The following RANBP2 variants were observed in gnomAD, a reference collection of about 807,000 sequenced individuals.
RANBP2 encodes the protein E3 SUMO-protein ligase RanBP2.
Under a neutral mutation model 303.6 loss-of-function variants are expected in RANBP2, and 57 were observed. The ratio of observed to expected loss-of-function variants is 0.19; its 90% CI spans 0.15 to 0.23. The LOEUF (loss-of-function observed/expected upper bound fraction) is 0.23, where lower values mean the gene tolerates loss of function less well. RANBP2 is among the 10% of genes least tolerant of loss of function. The pLI, the probability that RANBP2 is intolerant of heterozygous loss-of-function variation, is 1.00. For missense variants in RANBP2, 3,138 were observed against 3,780.8 expected (o/e 0.83, Z 4.46); for synonymous variants, 1,167 against 1,301.5 (o/e 0.90, Z 2.23).
At chr2:109,636,773 A>G in the RANBP2 span, among the ~76,000 whole-genome samples, 2 of 152,144 alleles carry the variant, frequency 1.3e-5, no homozygotes, top group Admixed American at 6.6e-5. Context: ...CCCCGTCACT[A>G]CCAAAAATAT....
At chr2:108,829,188 T>G in the RANBP2 span, among the ~76,000 whole-genome samples, 1 of 152,112 alleles carries the variant, frequency 6.6e-6, no homozygotes, top group African/African-American at 2.4e-5. Context: ...CAGATTGAAA[T>G]GGTAATCTCC....
the RANBP2 span, among the ~76,000 whole-genome samples, chr2:109,701,398 G>A: frequency 6.6e-6 from 1 of 152,092 alleles, no homozygotes; most frequent in Non-Finnish European, 1.5e-5. Flanking sequence ...GCTTTTATAC[G>A]TTTTAGAGAT....
the RANBP2 span, among the ~76,000 whole-genome samples, chr2:109,270,736 C>T: frequency 3.6e-3 from 544 of 152,316 alleles, 5 homozygotes; most frequent in African/African-American, 0.012. Flanking sequence ...GACTGTTACT[C>T]CTCTTATGTA....
chr2:108,895,004 A>T, the RANBP2 span: 1 of 150,414 alleles, frequency 6.6e-6, no homozygotes, highest in Non-Finnish European at 1.5e-5. Flanking sequence ...CAGTCTAATT[A>T]AGGGGAGACT....
chr2:109,647,293 A>G, the RANBP2 span, among the ~76,000 whole-genome samples: 2 of 149,750 alleles, frequency 1.3e-5, no homozygotes, highest in African/African-American at 4.9e-5. Context: ...CCTCCTAAAT[A>G]TCTGGGACTA....
the RANBP2 span, among the ~76,000 whole-genome samples, chr2:109,321,791 C>T: frequency 4.6e-5 from 7 of 152,276 alleles, no homozygotes; most frequent in South Asian, 1.2e-3. Flanking sequence ...GAGATGTGTT[C>T]GCGAGGGATT....
chr2:109,482,741 G>A, the RANBP2 span, among the ~76,000 whole-genome samples: 1 of 152,198 alleles, frequency 6.6e-6, no homozygotes, highest in African/African-American at 2.4e-5. Context: ...TTCCTCTCCT[G>A]CAGGAGGAAG....
At chr2:109,121,243 T>A in the RANBP2 span, among the ~76,000 whole-genome samples, 1 of 136,696 alleles carries the variant, frequency 7.3e-6, no homozygotes, top group Non-Finnish European at 1.6e-5. Flanking sequence ...TGACACTCCA[T>A]CTCTCTAAAA....
At chr2:109,582,443 C>A in the RANBP2 span, among the ~76,000 whole-genome samples, 9 of 152,050 alleles carry the variant, frequency 5.9e-5, no homozygotes, top group Non-Finnish European at 1.0e-4. Flanking sequence ...CTTCAGCCTC[C>A]CGAGTAGCTG....
the RANBP2 span, among the ~76,000 whole-genome samples, chr2:108,842,673 T>G: frequency 1.3e-5 from 2 of 152,088 alleles, no homozygotes; most frequent in African/African-American, 4.8e-5. Context: ...AGGGAGGAGT[T>G]GTCTAAGGCA....
chr2:109,115,135 G>T, the RANBP2 span, among the ~76,000 whole-genome samples: 2 of 152,196 alleles, frequency 1.3e-5, no homozygotes, highest in Non-Finnish European at 2.9e-5. Context: ...GACTGTAGAT[G>T]TCTATTAGGT....
the RANBP2 span, among the ~76,000 whole-genome samples, chr2:109,295,390 C>T: frequency 2.0e-4 from 31 of 152,198 alleles, no homozygotes; most frequent in Non-Finnish European, 3.4e-4. Flanking sequence ...TAACCCAGGC[C>T]GCCTGGCTCT....
chr2:109,703,582 C>T, the RANBP2 span, among the ~76,000 whole-genome samples: 7 of 152,176 alleles, frequency 4.6e-5, no homozygotes, highest in Non-Finnish European at 8.8e-5. Flanking sequence ...GCACGTGCCA[C>T]CACGCCCAAC....
At chr2:109,594,131 C>T in the RANBP2 span, among the ~76,000 whole-genome samples, 5 of 152,036 alleles carry the variant, frequency 3.3e-5, no homozygotes, top group Admixed American at 2.6e-4. Flanking sequence ...ATTCACTGTT[C>T]GCAACAGTAG....
Position 108,727,893 on chromosome 2 carries a change from G to A in RANBP2, c.73-1239G>A, listed in dbSNP as rs112583067. On this transcript the variant is annotated intron_variant, in intron 1 of 28. Transcript: ENST00000283195. ...GCTGGGATTACAGGTGTGAGCCACC[G>A]CACCCAGCCTGGTGTGCATCAGCAT... is the stretch of plus-strand genomic sequence containing the variant. Among the ~76,000 whole-genome samples, 6 of 152,144 alleles carry A rather than the reference G, an allele frequency of 3.9e-5. No individual in the cohort carries two copies. In the South Asian group the frequency reaches 1.0e-3, roughly 26 times the overall value.
At chr2:108,771,397 C>G (rs1677486288) in intron 20 of RANBP2, among the ~76,000 whole-genome samples, 1 of 151,962 alleles carries the variant, frequency 6.6e-6, no homozygotes, top group Non-Finnish European at 1.5e-5. Flanking sequence ...AATTTTTAAC[C>G]TTTATAAATT....
chr2:109,235,163 C>T, the RANBP2 span, among the ~76,000 whole-genome samples: 418 of 152,240 alleles, frequency 2.7e-3, 4 homozygotes, highest in African/African-American at 9.7e-3. Flanking sequence ...CCCATGGTTT[C>T]TAAACACTTC....
the RANBP2 span, among the ~76,000 whole-genome samples, chr2:109,646,657 ATTTTTT>A: frequency 4.2e-5 from 5 of 119,018 alleles, no homozygotes; most frequent in African/African-American, 9.6e-5. Flanking sequence ...ATGACTGGCT[ATTTTTT>A]TTTTTTTTTT....
the RANBP2 span, among the ~76,000 whole-genome samples, chr2:109,032,321 G>A: frequency 1.3e-5 from 2 of 151,968 alleles, no homozygotes; most frequent in Non-Finnish European, 2.9e-5. Context: ...CCCCCTCTTT[G>A]TTTTGCAGGA....
Sources: gnomAD v4.1 joint callset for allele counts (sites outside exome capture counted in the v4.1 genomes callset) on GRCh38, gnomAD v4.1.1 for gene constraint, MANE v1.5 for transcripts, NCBI Gene and HGNC (gene_info 2026-07-23, HGNC 2026-07-21) for gene names.